Variants in PTER observed in about 807,000 individuals in gnomAD.
PTER encodes N-acetyltaurine hydrolase.
PTER carries 38 observed loss-of-function variants against 29.6 expected under a neutral mutation model. The observed-to-expected ratio is 1.28, with a 90% CI of 0.99 to 1.68. The LOEUF (loss-of-function observed/expected upper bound fraction) is 1.68. Among genes scored for constraint, PTER ranks in the 40% most tolerant of loss-of-function variants. The probability of loss-of-function intolerance (pLI) is 0.00; values close to 1 mark genes in which losing one functional copy is unlikely to be tolerated. For synonymous variants in PTER, 172 were observed against 154.5 expected (o/e 1.11, Z -0.84); for missense variants, 482 against 427.8 (o/e 1.13, Z -1.12).
At position 16,461,029 on chromosome 10, in the gene PTER, C is replaced by T. The variant is rs116646754; in HGVS notation, c.-48-23308C>T. On this transcript the variant is annotated intron_variant, in intron 1 of 4. Coordinates refer to ENST00000535784, the MANE Select transcript of PTER (RefSeq NM_001261836.2). Reference sequence around the variant, plus strand: ...ACCGCACCTGGCCAAAAATTACAGTCATTTGATATATCGGCAATATTGTTA... The same window carrying T: ...ACCGCACCTGGCCAAAAATTACAGTTATTTGATATATCGGCAATATTGTTA... 9.6e-3 allele frequency among the ~76,000 whole-genome samples: 1,467 copies of T among 152,252 alleles called. 24 individuals are homozygous for T. The highest frequency in any genetic ancestry group is 0.033 in the African/African-American group (1,390 of 41,552).
intron 3 of PTER, among the ~76,000 whole-genome samples, chr10:16,499,888 C>A (rs1264326671): frequency 1.3e-5 from 2 of 151,886 alleles, no homozygotes; most frequent in Admixed American, 1.3e-4. Flanking sequence ...AATTTCTCTT[C>A]CCCTCTTTTT....
chr10:16,514,944 T>A (rs1314392248), downstream of PTER, among the ~76,000 whole-genome samples: 1 of 152,180 alleles, frequency 6.6e-6, no homozygotes, highest in African/African-American at 2.4e-5. Context: ...TCTGGCAGTC[T>A]TATCTAACTA....
chr10:16,468,048 T>C (rs1276128449), intron 1 of PTER, among the ~76,000 whole-genome samples: 1 of 152,068 alleles, frequency 6.6e-6, no homozygotes, highest in East Asian at 1.9e-4. Flanking sequence ...TAAATAAAGA[T>C]TCCAAGAAAA....
intron 1 of PTER, among the ~76,000 whole-genome samples, chr10:16,446,036 TTCTC>T (rs1834000741): frequency 6.6e-6 from 1 of 152,142 alleles, no homozygotes; most frequent in African/African-American, 2.4e-5. Flanking sequence ...TCAAGAGTGT[TTCTC>T]TTTCTCCTGT....
chr10:16,496,218 A>G (rs1041974776), intron 3 of PTER, among the ~76,000 whole-genome samples: 1 of 152,206 alleles, frequency 6.6e-6, no homozygotes, highest in African/African-American at 2.4e-5. Flanking sequence ...TTTTGGTCCC[A>G]GATCTAGCCT....
chr10:16,450,146 G>A (rs1310781212), intron 1 of PTER, among the ~76,000 whole-genome samples: 1 of 152,182 alleles, frequency 6.6e-6, no homozygotes. Context: ...CTTCTGGAAT[G>A]TAGCGCACCC....
intron 3 of PTER, among the ~76,000 whole-genome samples, chr10:16,496,970 T>C (rs1286894365): frequency 6.7e-6 from 1 of 148,982 alleles, no homozygotes; most frequent in Non-Finnish European, 1.5e-5. Flanking sequence ...AATCTCACAC[T>C]GTCACCCAGG....
chr10:16,464,697 G>A (rs1834744920), intron 1 of PTER, among the ~76,000 whole-genome samples: 1 of 152,174 alleles, frequency 6.6e-6, no homozygotes, highest in South Asian at 2.1e-4. Flanking sequence ...GAATGTCTCT[G>A]TGACAAGCCA....
intron 3 of PTER, among the ~76,000 whole-genome samples, chr10:16,497,109 A>G (rs1836139945): frequency 6.6e-6 from 1 of 151,868 alleles, no homozygotes; most frequent in Non-Finnish European, 1.5e-5. Context: ...TAATTTTTGT[A>G]TTTTTAGTAG....
intron 1 of PTER, among the ~76,000 whole-genome samples, chr10:16,443,749 C>T (rs948529524): frequency 6.6e-5 from 10 of 152,178 alleles, no homozygotes; most frequent in Admixed American, 4.6e-4. Context: ...TGTAACAACT[C>T]GCACATATTT....
rs1457543703 is a variant in PTER, at chr10:16,510,437, A to AT, written c.840-607dup. Among the ~76,000 whole-genome samples the AT allele has an allele frequency of 3.3e-5, 5 of 152,226 alleles. No homozygotes were observed. The East Asian group carries it at 9.6e-4, about 29-fold the overall frequency. On this transcript the variant is annotated intron_variant, in intron 4 of 4. Transcript: ENST00000535784. The stretch of plus-strand genomic sequence containing the variant: ...GCTCAGAGGCTACAACTAAATCAAA[A>AT]TTGCCATAGACTTCAAAGGGGCAAA...
At chr10:16,483,391 T>C (rs965694611) in intron 1 of PTER, among the ~76,000 whole-genome samples, 1 of 152,230 alleles carries the variant, frequency 6.6e-6, no homozygotes, top group Non-Finnish European at 1.5e-5. Flanking sequence ...TGTTATTTCA[T>C]TATTCAACCG....
chr10:16,518,552 A>G (rs956763093), downstream of PTER, among the ~76,000 whole-genome samples: 1 of 152,228 alleles, frequency 6.6e-6, no homozygotes, highest in African/African-American at 2.4e-5. Flanking sequence ...TAGAACACCT[A>G]CATGGTGTTA....
chr10:16,474,916 C>T (rs1390380992), intron 1 of PTER, among the ~76,000 whole-genome samples: 1 of 152,102 alleles, frequency 6.6e-6, no homozygotes, highest in Non-Finnish European at 1.5e-5. Flanking sequence ...ATTTATTTCT[C>T]ATCATTCTGA....
chr10:16,456,535 A>G (rs1383224375), intron 1 of PTER, among the ~76,000 whole-genome samples: 1 of 152,206 alleles, frequency 6.6e-6, no homozygotes, highest in Non-Finnish European at 1.5e-5. Context: ...TGTTCTGCAT[A>G]GGAGTTTCCT....
At chr10:16,464,054 G>T (rs889900964) in intron 1 of PTER, among the ~76,000 whole-genome samples, 1 of 152,152 alleles carries the variant, frequency 6.6e-6, no homozygotes, top group South Asian at 2.1e-4. Context: ...TACATTAGGA[G>T]ATTTAATTAA....
intron 1 of PTER, among the ~76,000 whole-genome samples, chr10:16,473,097 C>T (rs774847057): frequency 2.0e-5 from 3 of 151,354 alleles, no homozygotes; most frequent in Non-Finnish European, 2.9e-5. Flanking sequence ...TGGAATAAAC[C>T]GTTTGGCTCT....
At chr10:16,475,484 G>A (rs1303544059) in intron 1 of PTER, among the ~76,000 whole-genome samples, 3 of 152,144 alleles carry the variant, frequency 2.0e-5, no homozygotes, top group South Asian at 2.1e-4. Context: ...TTGCAACTCG[G>A]GGTTTTGCAA....
chr10:16,476,665 A>C (rs1411269339), intron 1 of PTER, among the ~76,000 whole-genome samples: 1 of 151,846 alleles, frequency 6.6e-6, no homozygotes, highest in African/African-American at 2.4e-5. Context: ...TCAACCTCGC[A>C]GGTTCAAGTG....
Sources: gnomAD v4.1 joint callset for allele counts (sites outside exome capture counted in the v4.1 genomes callset) on GRCh38, gnomAD v4.1.1 for gene constraint, MANE v1.5 for transcripts, NCBI Gene and HGNC (gene_info 2026-07-23, HGNC 2026-07-21) for gene names.